The following TMEM74 variants were observed in gnomAD, a reference collection of about 807,000 sequenced individuals.
The protein encoded by TMEM74 is transmembrane protein 74.
TMEM74 carries 13 observed loss-of-function variants against 18.1 expected under a neutral mutation model. That is an observed-to-expected ratio of 0.72 (90% CI 0.47 to 1.14). The LOEUF is 1.14. Ranked by LOEUF, TMEM74 falls within the 50% of genes most tolerant of loss-of-function variation. TMEM74 has a pLI of 0.00. For synonymous variants in TMEM74, 159 were observed against 146.6 expected (o/e 1.08, Z -0.61); for missense variants, 372 against 375.9 (o/e 0.99, Z 0.09).
chr8:108,769,640 G>A (rs1814149517), intron 1 of TMEM74, among the ~76,000 whole-genome samples: 1 of 152,058 alleles, frequency 6.6e-6, no homozygotes, highest in South Asian at 2.1e-4. Flanking sequence ...AAGGGACCGT[G>A]TACTTTGGCA....
At chr8:108,786,546 T>C (rs1814387724) in intron 1 of TMEM74, among the ~76,000 whole-genome samples, 1 of 152,122 alleles carries the variant, frequency 6.6e-6, no homozygotes, top group African/African-American at 2.4e-5. Flanking sequence ...TAAGAGTTTG[T>C]TTAAAACAAA....
At chr8:108,726,218 C>T (rs539228489) in intron 1 of TMEM74, among the ~76,000 whole-genome samples, 114 of 152,172 alleles carry the variant, frequency 7.5e-4, no homozygotes, top group African/African-American at 2.5e-3. Context: ...ACCTCTATAC[C>T]TAATGGGAAT....
intron 2 of TMEM74, among the ~76,000 whole-genome samples, chr8:108,632,665 TC>T (rs1812566703): frequency 6.6e-6 from 1 of 152,006 alleles, no homozygotes; most frequent in African/African-American, 2.4e-5. Context: ...CATTTATTGC[TC>T]ATTGTTAGAT....
intron 1 of TMEM74, among the ~76,000 whole-genome samples, chr8:108,687,903 C>A (rs754838289): frequency 1.1e-4 from 16 of 152,060 alleles, no homozygotes; most frequent in Non-Finnish European, 1.6e-4. Context: ...TACAGGTACC[C>A]GTCCATAGCC....
chr8:108,662,427 A>G (rs1026888747), intron 1 of TMEM74, among the ~76,000 whole-genome samples: 5 of 152,270 alleles, frequency 3.3e-5, no homozygotes, highest in Non-Finnish European at 5.9e-5. Context: ...TACTACAGAC[A>G]TGAGAACTTT....
intron 1 of TMEM74, among the ~76,000 whole-genome samples, chr8:108,755,700 T>G (rs1452216588): frequency 2.0e-5 from 3 of 152,096 alleles, no homozygotes; most frequent in Non-Finnish European, 4.4e-5. Flanking sequence ...CTGATAATGA[T>G]TGGTTTAATT....
chr8:108,642,416 A>T (rs951414093), intron 2 of TMEM74, among the ~76,000 whole-genome samples: 43 of 152,064 alleles, frequency 2.8e-4, no homozygotes, highest in Non-Finnish European at 5.3e-4. Flanking sequence ...AAAGAGAGAA[A>T]ATATATGTGT....
At chr8:108,760,175 G>GGAGA (rs372338811) in intron 1 of TMEM74, among the ~76,000 whole-genome samples, 7 of 136,564 alleles carry the variant, frequency 5.1e-5, no homozygotes, top group Non-Finnish European at 1.1e-4. Context: ...AGAGAGAGAG[G>GGAGA]GAGAGAGAGA....
chr8:108,784,092 C>G lies in TMEM74; in HGVS notation c.*89G>C. The G allele has an allele frequency of 8.5e-7, 1 of 1,183,308 alleles. No individual in the cohort carries two copies. Among genetic ancestry groups the G allele is most frequent in the Non-Finnish European group, 1.2e-6 (1 of 854,570 alleles). The allele number at this position is 1,183,308 out of a possible 1,614,324, so 73.3% of individuals were successfully genotyped here. A position where few individuals can be genotyped will look rare whatever the true frequency, so the allele number is the denominator to read the frequency against. Reference sequence around the variant, plus strand: ...TGTGAAATAAACTTTTCTTGCCAGGCAAATAAATTGCACTGTGAATTTTTA... The same window carrying G: ...TGTGAAATAAACTTTTCTTGCCAGGGAAATAAATTGCACTGTGAATTTTTA... On this transcript the variant is annotated 3_prime_UTR_variant, in exon 2 of 2. Transcript: ENST00000297459.
intron 1 of TMEM74, among the ~76,000 whole-genome samples, chr8:108,661,642 T>A (rs1812901071): frequency 6.6e-6 from 1 of 152,084 alleles, no homozygotes; most frequent in Non-Finnish European, 1.5e-5. Context: ...GGAGAAGACA[T>A]TAAACCCTAT....
intron 2 of TMEM74, among the ~76,000 whole-genome samples, chr8:108,654,957 G>A (rs1421717744): frequency 6.6e-6 from 1 of 152,090 alleles, no homozygotes; most frequent in Non-Finnish European, 1.5e-5. Context: ...ATAGCATTAT[G>A]TAGAAATACA....
At chr8:108,730,919 C>T (rs1329872541) in intron 1 of TMEM74, among the ~76,000 whole-genome samples, 4 of 152,092 alleles carry the variant, frequency 2.6e-5, no homozygotes, top group Non-Finnish European at 5.9e-5. Flanking sequence ...CGTGAGCCAC[C>T]GCGCCCTGCC....
At chr8:108,628,091 A>ACTT (rs919090717) in intron 2 of TMEM74, among the ~76,000 whole-genome samples, 13 of 151,924 alleles carry the variant, frequency 8.6e-5, no homozygotes, top group African/African-American at 3.1e-4. Context: ...AGTCAAAGCA[A>ACTT]CTTTACAAAT....
intron 1 of TMEM74, among the ~76,000 whole-genome samples, chr8:108,672,783 A>G (rs778842503): frequency 2.0e-4 from 31 of 152,212 alleles, no homozygotes; most frequent in Non-Finnish European, 3.5e-4. Context: ...GTTCAAAGAA[A>G]TTAAATAACT....
intron 1 of TMEM74, among the ~76,000 whole-genome samples, chr8:108,762,245 T>C (rs944924479): frequency 2.6e-5 from 4 of 152,132 alleles, no homozygotes; most frequent in African/African-American, 4.8e-5. Context: ...AATACAAATA[T>C]ATAATACACT....
At chr8:108,755,644 C>A (rs2130655757) in intron 1 of TMEM74, among the ~76,000 whole-genome samples, 1 of 151,978 alleles carries the variant, frequency 6.6e-6, no homozygotes, top group South Asian at 2.1e-4. Context: ...CATTTTATAC[C>A]TCACAAATTG....
chr8:108,676,363 C>T (rs1228291806), intron 1 of TMEM74, among the ~76,000 whole-genome samples: 2 of 152,190 alleles, frequency 1.3e-5, no homozygotes, highest in African/African-American at 2.4e-5. Flanking sequence ...TCCTATGACT[C>T]TGCCTCTTGC....
chr8:108,636,944 G>T (rs181429666), intron 2 of TMEM74, among the ~76,000 whole-genome samples: 20 of 152,162 alleles, frequency 1.3e-4, no homozygotes, highest in African/African-American at 4.8e-4. Context: ...GATCGGTCAA[G>T]TCAAACCCAG....
At chr8:108,611,284 TTAAA>T (rs1482118209) in intron 2 of TMEM74, among the ~76,000 whole-genome samples, 1 of 152,156 alleles carries the variant, frequency 6.6e-6, no homozygotes, top group Non-Finnish European at 1.5e-5. Flanking sequence ...ATTTAGGAGT[TTAAA>T]TAAACTTAGA....
Sources: gnomAD v4.1 joint callset for allele counts (sites outside exome capture counted in the v4.1 genomes callset) on GRCh38, gnomAD v4.1.1 for gene constraint, MANE v1.5 for transcripts, NCBI Gene and HGNC (gene_info 2026-07-23, HGNC 2026-07-21) for gene names.